The following CNTN4 variants were observed in gnomAD, a reference collection of about 807,000 sequenced individuals.
CNTN4 encodes contactin-4.
In CNTN4, 77 loss-of-function variants were observed where a neutral mutation model predicts 122.5. The ratio of observed to expected loss-of-function variants is 0.63; its 90% CI spans 0.52 to 0.76. The LOEUF is 0.76. Among genes scored for constraint, CNTN4 ranks in the 30% least tolerant of loss-of-function variants. CNTN4 has a pLI of 0.00. For synonymous variants in CNTN4, 512 were observed against 447.0 expected (o/e 1.15, Z -1.83); for missense variants, 1,256 against 1,259.1 (o/e 1.00, Z 0.04).
At chr3:2,882,532 G>A (rs1404930806) in intron 8 of CNTN4, among the ~76,000 whole-genome samples, 4 of 152,180 alleles carry the variant, frequency 2.6e-5, no homozygotes, top group Non-Finnish European at 5.9e-5. Flanking sequence ...TGTGCCATTG[G>A]CAAGGTAGGT....
At chr3:2,874,404 TTGAAA>T (rs1482521446) in intron 8 of CNTN4, among the ~76,000 whole-genome samples, 3 of 152,334 alleles carry the variant, frequency 2.0e-5, no homozygotes, top group Non-Finnish European at 4.4e-5. Context: ...ATAGAGGGAC[TTGAAA>T]TGAAAGAGGG....
chr3:2,169,654 CCCAAAGTGCTGGGATTA>C (rs2036374385), intron 2 of CNTN4, among the ~76,000 whole-genome samples: 1 of 152,016 alleles, frequency 6.6e-6, no homozygotes, highest in Admixed American at 6.6e-5. Flanking sequence ...GCCTCCGCCT[CCCAAAGTGCTGGGATTA>C]CAGGCGTGAG....
At chr3:2,669,506 C>A (rs1576401790) in intron 4 of CNTN4, among the ~76,000 whole-genome samples, 1 of 152,174 alleles carries the variant, frequency 6.6e-6, no homozygotes, top group South Asian at 2.1e-4. Flanking sequence ...GTCTTGCTAG[C>A]AGTCTATCAA....
Position 2,531,741 on chromosome 3 carries a change from T to C in CNTN4, c.-88-39675T>C, listed in dbSNP as rs150827417. Among the ~76,000 whole-genome samples, 570 of 152,256 alleles carry C rather than the reference T, an allele frequency of 3.7e-3. 6 individuals are homozygous for C. Among genetic ancestry groups the C allele is most frequent in the African/African-American group, 0.013 (542 of 41,548 alleles). ...AGAAGTAAAGATTCCATTTGATGAG[T>C]GGAATTATCTCCCCCATATTAATGG... On this transcript the variant is annotated intron_variant, in intron 3 of 24. Coordinates refer to ENST00000418658, the MANE Select transcript of CNTN4 (RefSeq NM_175607.3).
chr3:2,414,494 G>T (rs1429404400), intron 3 of CNTN4, among the ~76,000 whole-genome samples: 1 of 152,120 alleles, frequency 6.6e-6, no homozygotes, highest in Middle Eastern at 3.2e-3. Flanking sequence ...TGTTAATTGT[G>T]TAGTTATTTT....
intron 13 of CNTN4, among the ~76,000 whole-genome samples, chr3:2,949,659 A>G (rs1359636932): frequency 2.6e-5 from 4 of 152,192 alleles, no homozygotes; most frequent in South Asian, 2.1e-4. Context: ...TCTACTCTCT[A>G]GACCCCCAGA....
Position 2,669,663 on chromosome 3 carries a change from C to T in CNTN4, c.56-66552C>T, listed in dbSNP as rs532384546. On this transcript the variant is annotated intron_variant, in intron 4 of 24. Transcript: ENST00000418658. ...TTGAATGTGTTTGCTCTTGCTTCTC[C>T]AGTTCTTTTAATTGTGATGTTAGGG... Among the ~76,000 whole-genome samples, 1,263 of 151,994 alleles carry T rather than the reference C, an allele frequency of 8.3e-3. 18 individuals are homozygous for T. Among genetic ancestry groups the T allele is most frequent in the African/African-American group, 0.029 (1,200 of 41,496 alleles).
intron 2 of CNTN4, among the ~76,000 whole-genome samples, chr3:2,171,673 G>A (rs750990863): frequency 2.6e-5 from 4 of 152,146 alleles, no homozygotes; most frequent in African/African-American, 4.8e-5. Flanking sequence ...ATCCCAAAGC[G>A]CAGGTAAGTA....
chr3:2,290,019 C>T (rs1175444438), intron 2 of CNTN4, among the ~76,000 whole-genome samples: 2 of 152,126 alleles, frequency 1.3e-5, no homozygotes, highest in Non-Finnish European at 2.9e-5. Context: ...GGTGTACCTT[C>T]TCTGAGCCAG....
chr3:2,167,734 A>G (rs1402455858), intron 2 of CNTN4, among the ~76,000 whole-genome samples: 1 of 152,224 alleles, frequency 6.6e-6, no homozygotes, highest in East Asian at 1.9e-4. Context: ...AAATGAAAAC[A>G]TTCGAACAAA....
intron 6 of CNTN4, among the ~76,000 whole-genome samples, chr3:2,794,842 C>A (rs1438365103): frequency 2.6e-5 from 4 of 152,204 alleles, no homozygotes; most frequent in Non-Finnish European, 5.9e-5. Context: ...AGACTGCTAT[C>A]TTGTCACTGT....
At chr3:2,295,229 T>G (rs977266910) in intron 2 of CNTN4, among the ~76,000 whole-genome samples, 2 of 140,360 alleles carry the variant, frequency 1.4e-5, no homozygotes, top group African/African-American at 5.5e-5. Context: ...TATTTCTAGT[T>G]CTAGATCCCT....
At chr3:2,226,815 C>CT (rs931624626) in intron 2 of CNTN4, among the ~76,000 whole-genome samples, 35 of 152,026 alleles carry the variant, frequency 2.3e-4, no homozygotes, top group African/African-American at 3.4e-4. Flanking sequence ...GAATTTTAGC[C>CT]TTTTTTTAAC....
rs147114213 is a variant in CNTN4, at chr3:2,752,019, T to C, written c.358+6322T>C. ...TTTAAGGTTGTTAGCAAGATTACAT[T>C]GTAAAGCATATGTAAAATCCCAGAA... On this transcript the variant is annotated intron_variant, in intron 6 of 24. Transcript: ENST00000418658. 9.2e-5 allele frequency among the ~76,000 whole-genome samples: 14 copies of C among 152,302 alleles called. No homozygotes were observed. The East Asian group carries it at 2.1e-3, about 23-fold the overall frequency.
intron 4 of CNTN4, among the ~76,000 whole-genome samples, chr3:2,666,091 C>G (rs1006031503): frequency 6.6e-6 from 1 of 152,220 alleles, no homozygotes; most frequent in Admixed American, 6.5e-5. Context: ...TTCACCTGCA[C>G]TGGTATCACA....
chr3:2,393,129 T>C (rs2046506888), intron 3 of CNTN4, among the ~76,000 whole-genome samples: 1 of 152,192 alleles, frequency 6.6e-6, no homozygotes, highest in African/African-American at 2.4e-5. Flanking sequence ...CTGCGATCTT[T>C]GGAATTTCCT....
intron 2 of CNTN4, among the ~76,000 whole-genome samples, chr3:2,311,711 G>A (rs1434516955): frequency 6.6e-6 from 1 of 152,014 alleles, no homozygotes; most frequent in East Asian, 1.9e-4. Context: ...TGTATAGGTA[G>A]CTCATTATGT....
intron 4 of CNTN4, among the ~76,000 whole-genome samples, chr3:2,697,650 T>C (rs17838681): frequency 0.048 from 7,298 of 152,262 alleles, 273 homozygotes; most frequent in African/African-American, 0.091. Context: ...CTAGTTAAAG[T>C]TCTCCATCAC....
intron 4 of CNTN4, among the ~76,000 whole-genome samples, chr3:2,595,642 G>A (rs1459016227): frequency 6.6e-6 from 1 of 152,126 alleles, no homozygotes; most frequent in Non-Finnish European, 1.5e-5. Context: ...TCCCTTGTGT[G>A]GAGGTGGAAG....
Sources: gnomAD v4.1 joint callset for allele counts (sites outside exome capture counted in the v4.1 genomes callset) on GRCh38, gnomAD v4.1.1 for gene constraint, MANE v1.5 for transcripts, NCBI Gene and HGNC (gene_info 2026-07-23, HGNC 2026-07-21) for gene names.